RGSL1: variants seen among roughly 807,000 people sequenced by gnomAD.
RGSL1 encodes regulator of G protein signaling protein-like.
Under a neutral mutation model 124.7 loss-of-function variants are expected in RGSL1, and 97 were observed. That is an observed-to-expected ratio of 0.78 (90% confidence interval 0.66 to 0.92). The LOEUF (loss-of-function observed/expected upper bound fraction) is 0.92, where lower values mean the gene tolerates loss of function less well. Among genes scored for constraint, RGSL1 ranks in the 40% least tolerant of loss-of-function variants. The pLI is 0.00. For missense variants in RGSL1, 1,233 were observed against 1,288.4 expected (o/e 0.96, Z 0.66); for synonymous variants, 424 against 438.1 (o/e 0.97, Z 0.40).
chr1:182,529,841 G>A (rs1659032595), intron 11 of RGSL1, among the ~76,000 whole-genome samples: 2 of 152,056 alleles, frequency 1.3e-5, no homozygotes, highest in African/African-American at 4.8e-5. Flanking sequence ...TGAACAACTG[G>A]AGAAACAAAC....
At chr1:182,557,200 G>C (rs901549636) in intron 21 of RGSL1, among the ~76,000 whole-genome samples, 3 of 152,194 alleles carry the variant, frequency 2.0e-5, no homozygotes, top group Non-Finnish European at 4.4e-5. Flanking sequence ...GGCCCAGCAA[G>C]ACAGGAAGGC....
rs1659820682 is a variant in RGSL1, at chr1:182,540,403, T to C, written c.2651T>C (p.Phe884Ser). 1 of 1,550,406 alleles carries C rather than the reference T, an allele frequency of 6.4e-7. No homozygotes were observed. The highest frequency in any genetic ancestry group is 8.7e-7 in the Non-Finnish European group (1 of 1,146,426). The change falls in exon 15 of 22, where the codon TTC becomes TCC. Residue 884 changes from phenylalanine to serine, a missense_variant. By Grantham distance (155) the Phe-to-Ser change is radical. Coordinates refer to ENST00000294854, the MANE Select transcript of RGSL1 (RefSeq NM_001137669.2). ...AACTTTGCGATCAATGATCTATATT[T>C]CTTTTCTGAAATGGAGAAGTAAGTT... Reference protein sequence around the residue: ...TVNFAINDLYFFSEMEKFNDL... With the variant: ...TVNFAINDLYSFSEMEKFNDL...
chr1:182,479,469 T>A (rs1183218883), intron 6 of RGSL1, among the ~76,000 whole-genome samples: 1 of 152,108 alleles, frequency 6.6e-6, no homozygotes, highest in Non-Finnish European at 1.5e-5. Context: ...TAATGCAAGG[T>A]TCATGGTAAC....
chr1:182,465,090 T>TAATAATAAC (rs1653179952), intron 4 of RGSL1, among the ~76,000 whole-genome samples: 1 of 151,718 alleles, frequency 6.6e-6, no homozygotes, highest in Non-Finnish European at 1.5e-5. Flanking sequence ...ATAATAATAA[T>TAATAATAAC]AATAAAGTGA....
intron 4 of RGSL1, 52 bp downstream of exon 4, chr1:182,460,185 T>A: frequency 2.3e-6 from 3 of 1,313,100 alleles, no homozygotes; most frequent in Non-Finnish European, 3.1e-6. Flanking sequence ...TGTGTGTGTG[T>A]AGAAATATAG....
intron 9 of RGSL1, among the ~76,000 whole-genome samples, chr1:182,511,437 T>A (rs1273668498): frequency 1.3e-5 from 2 of 152,218 alleles, no homozygotes; most frequent in Non-Finnish European, 2.9e-5. Context: ...GAGCTGGGAT[T>A]ACAGGTTTAC....
At chr1:182,465,098 T>A (rs981361046) in intron 4 of RGSL1, among the ~76,000 whole-genome samples, 1 of 151,582 alleles carries the variant, frequency 6.6e-6, no homozygotes, top group Admixed American at 6.6e-5. Flanking sequence ...AATAATAAAG[T>A]GAAAGTGGGG....
At chr1:182,504,054 C>T (rs189978209) in intron 9 of RGSL1, among the ~76,000 whole-genome samples, 71 of 144,194 alleles carry the variant, frequency 4.9e-4, no homozygotes, top group African/African-American at 1.7e-3. Flanking sequence ...AATCTTGGCT[C>T]ACTGCAACCT....
At chr1:182,546,660 G>T (rs1411802923) in intron 15 of RGSL1, among the ~76,000 whole-genome samples, 2 of 152,120 alleles carry the variant, frequency 1.3e-5, no homozygotes, top group Non-Finnish European at 2.9e-5. Flanking sequence ...CAAAGTCCTG[G>T]AATTACAGGT....
chr1:182,551,762 A>C (rs1660579822), intron 18 of RGSL1, among the ~76,000 whole-genome samples: 1 of 152,236 alleles, frequency 6.6e-6, no homozygotes, highest in African/African-American at 2.4e-5. Context: ...ACACACATAC[A>C]GCCATGCACC....
chr1:182,536,754 G>A (rs1371200996), intron 14 of RGSL1, among the ~76,000 whole-genome samples: 2 of 152,154 alleles, frequency 1.3e-5, no homozygotes, highest in Non-Finnish European at 2.9e-5. Flanking sequence ...AGAGGAGCTT[G>A]TGTAGGGAAA....
Position 182,458,332 on chromosome 1 carries a change from C to T in RGSL1, c.110C>T (p.Thr37Ile), listed in dbSNP as rs1208908209. 3.9e-6 allele frequency: 6 copies of T among 1,552,028 alleles called. No individual in the cohort carries two copies. The highest frequency in any genetic ancestry group is 5.2e-6 in the Non-Finnish European group (6 of 1,146,992). Residue 37 changes from threonine to isoleucine, a missense_variant, in exon 3 of 22, where the codon ACA (threonine) becomes ATA (isoleucine). Thr to Ile is a moderately conservative substitution (Grantham distance 89). Coordinates refer to ENST00000294854, the MANE Select transcript of RGSL1 (RefSeq NM_001137669.2). ...TTTGTTTTGCAGGTTTTTGGTCAGA[C>T]ACCATTTTATACTGTTGAAAATTCA... ...TFLSLPVFGQ[T>I]PFYTVENSQW...
intron 14 of RGSL1, among the ~76,000 whole-genome samples, chr1:182,537,721 T>C (rs1659639492): frequency 6.6e-6 from 1 of 152,074 alleles, no homozygotes; most frequent in Non-Finnish European, 1.5e-5. Flanking sequence ...AAATTATGAG[T>C]TTTTCTAGTC....
rs757002703 is a variant in RGSL1 at position 182,450,180 on chromosome 1, T to C, written c.13+2T>C. 1 of 1,552,142 alleles carries C rather than the reference T, an allele frequency of 6.4e-7. No homozygotes were observed. The highest frequency in any genetic ancestry group is 1.2e-5 in the South Asian group (1 of 84,060). ...AGCATGGCAACATGAGCAGTGCTGG[T>C]GAGTCTCTGCCAGGGATGTCTCCAA... On this transcript the variant is annotated splice_donor_variant, in intron 1 of 21. Coordinates refer to ENST00000294854, the MANE Select transcript of RGSL1 (RefSeq NM_001137669.2). LOFTEE classifies it high-confidence loss of function.
At chr1:182,490,863 G>T (rs2102102353) in intron 8 of RGSL1, among the ~76,000 whole-genome samples, 1 of 151,830 alleles carries the variant, frequency 6.6e-6, no homozygotes, top group Non-Finnish European at 1.5e-5. Context: ...CAGGTAGGTT[G>T]GTGTCTCAAG....
At chr1:182,509,309 CA>C (rs1558337984) in intron 9 of RGSL1, among the ~76,000 whole-genome samples, 1 of 38,436 alleles carries the variant, frequency 2.6e-5, no homozygotes, top group African/African-American at 7.2e-5. Flanking sequence ...GCTGGCCGGG[CA>C]GGGGGCTGAC....
chr1:182,458,525 G>A (rs1324435781), intron 3 of RGSL1, 132 bp downstream of exon 3: 9 of 723,838 alleles, frequency 1.2e-5, no homozygotes, highest in African/African-American at 3.5e-5. Context: ...GCTGCAGTGC[G>A]GTGATGCGAT....
At position 182,450,149 on chromosome 1, in the gene RGSL1, A is replaced by G. The variant is rs1224279300; in HGVS notation, c.-17A>G. ...TCTGCCCCTAACAAATTACTGTGTCAGGAAGAGCATGGCAACATGAGCAGT... is the reference window on the plus strand; with the variant it reads ...TCTGCCCCTAACAAATTACTGTGTCGGGAAGAGCATGGCAACATGAGCAGT... On this transcript the variant is annotated 5_prime_UTR_variant, in exon 1 of 22. Coordinates refer to ENST00000294854, the MANE Select transcript of RGSL1 (RefSeq NM_001137669.2). The G allele has an allele frequency of 6.4e-7, 1 of 1,552,040 alleles. No individual in the cohort carries two copies. The highest frequency in any genetic ancestry group is 8.7e-7 in the Non-Finnish European group (1 of 1,146,992).
At chr1:182,491,089 T>C (rs919313437) in intron 8 of RGSL1, among the ~76,000 whole-genome samples, 1 of 151,144 alleles carries the variant, frequency 6.6e-6, no homozygotes, top group Admixed American at 6.6e-5. Context: ...GGTCTTGCCA[T>C]GTTGCCCAGG....
Sources: gnomAD v4.1 joint callset for allele counts (sites outside exome capture counted in the v4.1 genomes callset) on GRCh38, gnomAD v4.1.1 for gene constraint, MANE v1.5 for transcripts, NCBI Gene and HGNC (gene_info 2026-07-23, HGNC 2026-07-21) for gene names.